IPO11: variants seen among roughly 807,000 people sequenced by gnomAD.
IPO11 encodes the protein importin-11.
In IPO11, 66 loss-of-function variants were observed where a neutral mutation model predicts 143.2. That is an observed-to-expected ratio of 0.46 (90% CI 0.38 to 0.57). IPO11 has a LOEUF of 0.57. Ranked by LOEUF, IPO11 falls within the 20% of genes least tolerant of loss-of-function variation. IPO11 has a pLI of 0.00. For synonymous variants in IPO11, 385 were observed against 377.8 expected, an observed-to-expected ratio of 1.02 and a Z score of -0.22; for missense variants, 1,026 against 1,141.0, an observed-to-expected ratio of 0.90 and a Z score of 1.45.
rs34082638 is a variant in IPO11, at chr5:62,455,575, T to TA, written c.516+3643dup. 1.8e-3 allele frequency among the ~76,000 whole-genome samples: 267 copies of TA among 152,238 alleles called. 5 individuals are homozygous for TA. In the East Asian group the frequency reaches 0.044, roughly 25 times the overall value. ...TTGAGCTGGTTGCTATAGCAAAGTGTAGTGCACAGGGTACACTTAAAATTG... is the reference window on the plus strand; with the variant it reads ...TTGAGCTGGTTGCTATAGCAAAGTGTAAGTGCACAGGGTACACTTAAAATTG... On this transcript the variant is annotated intron_variant, in intron 5 of 29. Transcript: ENST00000325324.
chr5:62,546,240 C>T (rs1743174996), intron 24 of IPO11, among the ~76,000 whole-genome samples: 1 of 152,096 alleles, frequency 6.6e-6, no homozygotes, highest in African/African-American at 2.4e-5. Context: ...AAATGTGGCA[C>T]ATATACACCA....
At chr5:62,538,469 G>C (rs1274059092) in intron 24 of IPO11, among the ~76,000 whole-genome samples, 1 of 152,122 alleles carries the variant, frequency 6.6e-6, no homozygotes, top group Non-Finnish European at 1.5e-5. Context: ...TCCCCATGTT[G>C]TTCTCATGAT....
intron 5 of IPO11, among the ~76,000 whole-genome samples, chr5:62,455,100 C>A (rs1227231147): frequency 2.0e-5 from 3 of 152,120 alleles, no homozygotes; most frequent in Non-Finnish European, 4.4e-5. Flanking sequence ...GGGAAGACAT[C>A]ATTATAAAGA....
chr5:62,461,684 T>C (rs1745362968), intron 5 of IPO11, among the ~76,000 whole-genome samples: 1 of 152,234 alleles, frequency 6.6e-6, no homozygotes, highest in Non-Finnish European at 1.5e-5. Flanking sequence ...CTTTTTAAAT[T>C]TCTGTCTCAA....
chr5:62,481,496 T>TTTC (rs1386682390), intron 9 of IPO11, among the ~76,000 whole-genome samples: 1 of 152,182 alleles, frequency 6.6e-6, no homozygotes, highest in East Asian at 1.9e-4. Context: ...TCGAAGGCCT[T>TTTC]TTCTGCATCT....
intron 20 of IPO11, among the ~76,000 whole-genome samples, chr5:62,516,216 T>C (rs1742010829): frequency 6.6e-6 from 1 of 152,220 alleles, no homozygotes; most frequent in Admixed American, 6.5e-5. Context: ...TAAAATTAGT[T>C]TAGAAAAAAC....
chr5:62,561,427 C>T (rs1021307370), intron 27 of IPO11, among the ~76,000 whole-genome samples, 170 bp downstream of exon 27: 1 of 151,648 alleles, frequency 6.6e-6, no homozygotes, highest in African/African-American at 2.4e-5. Context: ...ATCCAGAAAG[C>T]AGTGAGTGGG....
intron 26 of IPO11, chr5:62,560,719 C>T (rs528631302): frequency 6.6e-6 from 1 of 152,606 alleles, no homozygotes; most frequent in Non-Finnish European, 1.5e-5. Context: ...AACTTGTCCT[C>T]TCCTCTGAGG....
intron 29 of IPO11, among the ~76,000 whole-genome samples, chr5:62,612,273 T>G (rs1249045974): frequency 6.6e-6 from 1 of 152,112 alleles, no homozygotes; most frequent in African/African-American, 2.4e-5. Context: ...ATTCAGAGAG[T>G]AAGACAGGCC....
chr5:62,543,651 G>A (rs1336123460), intron 24 of IPO11, among the ~76,000 whole-genome samples: 4 of 151,660 alleles, frequency 2.6e-5, no homozygotes, highest in African/African-American at 4.8e-5. Context: ...TGGATTTATT[G>A]ATTTTTTGAA....
At chr5:62,563,430 G>A (rs1051363338) in intron 27 of IPO11, among the ~76,000 whole-genome samples, 6 of 152,100 alleles carry the variant, frequency 3.9e-5, no homozygotes, top group African/African-American at 1.4e-4. Flanking sequence ...AGAAAAATTT[G>A]TTTTACATTT....
At chr5:62,568,005 G>T (rs1744013634) in intron 27 of IPO11, among the ~76,000 whole-genome samples, 1 of 151,824 alleles carries the variant, frequency 6.6e-6, no homozygotes. Flanking sequence ...TTGCTGTGTT[G>T]CCCAGGCTGA....
intron 22 of IPO11, among the ~76,000 whole-genome samples, chr5:62,535,051 A>T (rs1742690113): frequency 6.7e-6 from 1 of 150,042 alleles, no homozygotes; most frequent in Non-Finnish European, 1.5e-5. Context: ...TTATTTATTT[A>T]TTTGATGATG....
rs1744933738 is a variant in IPO11 at position 62,451,744 on chromosome 5, T to G, written c.327T>G (p.Ile109Met). The change falls in exon 5 of 30, where the codon ATT becomes ATG. Residue 109 changes from isoleucine (I) to methionine (M), a missense_variant. Physicochemically the swap from Ile to Met is conservative, Grantham distance 10. Coordinates refer to ENST00000325324, the MANE Select transcript of IPO11 (RefSeq NM_016338.5). ...NEPINQIATQIAVLIAKVARL... is the reference protein window; with the variant it reads ...NEPINQIATQMAVLIAKVARL... ...TTTCCTTTCAGATTGCAACTCAGATTGCAGTGCTCATTGCAAAAGTTGCTA... is the reference window on the plus strand; with the variant it reads ...TTTCCTTTCAGATTGCAACTCAGATGGCAGTGCTCATTGCAAAAGTTGCTA... The G allele has an allele frequency of 6.2e-7, 1 of 1,613,980 alleles. No individual in the cohort carries two copies. The highest frequency in any genetic ancestry group is 1.3e-5 in the African/African-American group (1 of 74,944).
At chr5:62,577,155 A>C (rs915460833) in intron 27 of IPO11, among the ~76,000 whole-genome samples, 2 of 152,226 alleles carry the variant, frequency 1.3e-5, no homozygotes, top group African/African-American at 4.8e-5. Context: ...CAGAAAGACT[A>C]AACTTTGTTT....
At chr5:62,481,621 T>C (rs1476686411) in intron 9 of IPO11, among the ~76,000 whole-genome samples, 2 of 152,212 alleles carry the variant, frequency 1.3e-5, no homozygotes, top group Non-Finnish European at 2.9e-5. Context: ...CACTTGATCA[T>C]GGCAGATAAG....
rs559487825 is a variant in IPO11, at chr5:62,529,121, A to G, written c.2013-1588A>G. On this transcript the variant is annotated intron_variant, in intron 21 of 29. Transcript: ENST00000325324. ...ATCTGATCTCCATTCTAAGAAAATC[A>G]GCTCATCAACTTTTAGCCTTTCTTC... is the stretch of plus-strand genomic sequence containing the variant. 1.4e-4 allele frequency among the ~76,000 whole-genome samples: 21 copies of G among 152,294 alleles called. No individual in the cohort carries two copies. In the South Asian group the frequency reaches 4.3e-3, roughly 32 times the overall value.
chr5:62,601,407 GA>G (rs1287013091), intron 28 of IPO11: 1 of 156,326 alleles, frequency 6.4e-6, no homozygotes, highest in Admixed American at 6.5e-5. Context: ...AAATTATGGG[GA>G]AAAATAAGTA....
At chr5:62,522,349 A>G (rs1283436070) in intron 20 of IPO11, among the ~76,000 whole-genome samples, 1 of 150,824 alleles carries the variant, frequency 6.6e-6, no homozygotes, top group African/African-American at 2.4e-5. Context: ...CAGTGGTACG[A>G]TCTTGGCTCA....
Sources: allele counts gnomAD v4.1 joint callset (sites outside exome capture counted in the v4.1 genomes callset), GRCh38; gene constraint gnomAD v4.1.1; transcripts MANE v1.5; gene names NCBI Gene and HGNC (gene_info 2026-07-23, HGNC 2026-07-21).